Variants in EPHB1 observed in about 807,000 individuals in gnomAD.
The protein encoded by EPHB1 is EPH receptor B1, also known as ephrin type-B receptor 1.
A neutral mutation model predicts 94.4 loss-of-function variants in EPHB1; 30 were observed. The ratio of observed to expected loss-of-function variants is 0.32; its 90% CI spans 0.24 to 0.43. EPHB1 has a LOEUF of 0.43. EPHB1 is among the 20% of genes least tolerant of loss of function. EPHB1 has a pLI of 1.00. For missense variants in EPHB1, 1,055 were observed against 1,308.3 expected, an observed-to-expected ratio of 0.81 and a Z score of 2.99; for synonymous variants, 522 against 489.1, an observed-to-expected ratio of 1.07 and a Z score of -0.89.
intron 3 of EPHB1, among the ~76,000 whole-genome samples, chr3:135,047,845 A>G (rs1164717623): frequency 6.6e-6 from 1 of 151,392 alleles, no homozygotes; most frequent in African/African-American, 2.4e-5. Flanking sequence ...GAGTATATTG[A>G]CAAATGGTGG....
intron 12 of EPHB1, among the ~76,000 whole-genome samples, chr3:135,224,946 A>G (rs1005967948): frequency 1.3e-5 from 2 of 152,178 alleles, no homozygotes; most frequent in Non-Finnish European, 2.9e-5. Context: ...TCCCTGTTCT[A>G]GTCTAAGGCC....
chr3:135,243,030 G>A (rs1332639255), intron 13 of EPHB1, among the ~76,000 whole-genome samples: 2 of 145,824 alleles, frequency 1.4e-5, no homozygotes, highest in African/African-American at 5.1e-5. Flanking sequence ...AGCCAAGATC[G>A]CGCCACTGCA....
chr3:135,050,716 C>T (rs909339145), intron 3 of EPHB1, among the ~76,000 whole-genome samples: 32 of 152,130 alleles, frequency 2.1e-4, no homozygotes, highest in African/African-American at 7.7e-4. Context: ...ACTCTGAGTT[C>T]AGGTGAGCTC....
intron 9 of EPHB1, among the ~76,000 whole-genome samples, chr3:135,171,334 A>T (rs188351880): frequency 1.1e-4 from 17 of 152,326 alleles, no homozygotes; most frequent in Admixed American, 3.9e-4. Flanking sequence ...CTACCAAAAG[A>T]AAGTAGGTTA....
At chr3:134,851,203 CCAGCAGGGCA>C (rs2036977048) in intron 1 of EPHB1, among the ~76,000 whole-genome samples, 1 of 152,190 alleles carries the variant, frequency 6.6e-6, no homozygotes, top group African/African-American at 2.4e-5. Flanking sequence ...AAGGCAGAGC[CCAGCAGGGCA>C]CACCTGCCTA....
At chr3:135,030,882 T>G (rs897632711) in intron 3 of EPHB1, among the ~76,000 whole-genome samples, 1 of 152,160 alleles carries the variant, frequency 6.6e-6, no homozygotes, top group African/African-American at 2.4e-5. Context: ...CGAGACTCCT[T>G]GGAGTAGGAC....
chr3:135,125,139 C>T (rs974964616), intron 4 of EPHB1, among the ~76,000 whole-genome samples: 3 of 151,616 alleles, frequency 2.0e-5, no homozygotes, highest in African/African-American at 7.3e-5. Flanking sequence ...CTTTGGCATC[C>T]TTTAAATTAC....
At position 134,889,667 on chromosome 3, in the gene EPHB1, G is replaced by T. The variant is rs573216772; in HGVS notation, c.59-36149G>T. Reference sequence around the variant, plus strand: ...TTTGAAAGTTTTCCTGGTTATTCTTGCCTATTTATTCATTTATTTATTTAT... The same window carrying T: ...TTTGAAAGTTTTCCTGGTTATTCTTTCCTATTTATTCATTTATTTATTTAT... On this transcript the variant is annotated intron_variant, in intron 1 of 15. Transcript: ENST00000398015. 1.3e-4 allele frequency among the ~76,000 whole-genome samples: 20 copies of T among 150,486 alleles called. No homozygotes were observed. In the South Asian group the frequency reaches 4.0e-3, roughly 30 times the overall value.
intron 1 of EPHB1, among the ~76,000 whole-genome samples, chr3:134,882,806 C>CTTTAT (rs748069576): frequency 1.2e-5 from 1 of 80,840 alleles, no homozygotes; most frequent in African/African-American, 4.5e-5. Flanking sequence ...TTCTTTCTTT[C>CTTTAT]TTTCTTTCTT....
At chr3:135,114,761 AT>A (rs1939618297) in intron 4 of EPHB1, among the ~76,000 whole-genome samples, 1 of 151,096 alleles carries the variant, frequency 6.6e-6, no homozygotes, top group South Asian at 2.1e-4. Flanking sequence ...AAATAAATAA[AT>A]AAATAAAACA....
At chr3:135,030,536 G>A (rs540287349) in intron 3 of EPHB1, among the ~76,000 whole-genome samples, 138 of 152,320 alleles carry the variant, frequency 9.1e-4, no homozygotes, top group African/African-American at 2.7e-3. Flanking sequence ...TAGGCTGGTC[G>A]GGGGTCAGGG....
chr3:135,173,475 C>T (rs1187318847), intron 9 of EPHB1, among the ~76,000 whole-genome samples: 1 of 152,182 alleles, frequency 6.6e-6, no homozygotes, highest in African/African-American at 2.4e-5. Flanking sequence ...AGGTCCTCCT[C>T]CCACCCACTG....
chr3:135,097,164 C>CTTTTTTT (rs1938825632), intron 3 of EPHB1, among the ~76,000 whole-genome samples: 1 of 103,006 alleles, frequency 9.7e-6, no homozygotes, highest in Non-Finnish European at 2.0e-5. Context: ...ATTTTTTTTT[C>CTTTTTTT]TTTGTTTTTT....
intron 1 of EPHB1, among the ~76,000 whole-genome samples, chr3:134,803,143 A>C (rs1002406518): frequency 2.0e-4 from 30 of 152,174 alleles, no homozygotes; most frequent in Non-Finnish European, 4.0e-4. Context: ...GTGGAAACAC[A>C]TAGGAGATTT....
chr3:134,894,496 A>G (rs1394481507), intron 1 of EPHB1, among the ~76,000 whole-genome samples: 1 of 152,176 alleles, frequency 6.6e-6, no homozygotes, highest in African/African-American at 2.4e-5. Flanking sequence ...TCGTGTGCCC[A>G]TTTCTTCTCT....
intron 1 of EPHB1, among the ~76,000 whole-genome samples, chr3:134,839,023 T>C (rs1178449327): frequency 6.6e-6 from 1 of 152,200 alleles, no homozygotes; most frequent in Non-Finnish European, 1.5e-5. Context: ...AAAGAACAAA[T>C]ATTTGTACAC....
At chr3:134,854,558 C>A (rs1158874828) in intron 1 of EPHB1, among the ~76,000 whole-genome samples, 1 of 152,148 alleles carries the variant, frequency 6.6e-6, no homozygotes, top group Non-Finnish European at 1.5e-5. Flanking sequence ...CATTGCATCA[C>A]AGAGTGTCCT....
chr3:134,905,811 G>T (rs573642308), intron 1 of EPHB1, among the ~76,000 whole-genome samples: 1 of 152,166 alleles, frequency 6.6e-6, no homozygotes, highest in Non-Finnish European at 1.5e-5. Flanking sequence ...GAGCCTTGCC[G>T]TTTCCCCATG....
chr3:135,255,267 T>C (rs1313149334), intron 15 of EPHB1, among the ~76,000 whole-genome samples: 1 of 152,146 alleles, frequency 6.6e-6, no homozygotes. Flanking sequence ...TTTGAATGTG[T>C]TTGCTCTTGC....
Sources: gnomAD v4.1 joint callset for allele counts (sites outside exome capture counted in the v4.1 genomes callset) on GRCh38, gnomAD v4.1.1 for gene constraint, MANE v1.5 for transcripts, NCBI Gene and HGNC (gene_info 2026-07-23, HGNC 2026-07-21) for gene names.